The following CMTM4 variants were observed in gnomAD, a reference collection of about 807,000 sequenced individuals.
CMTM4 encodes the protein CKLF like MARVEL transmembrane domain containing 4, also known as CKLF-like MARVEL transmembrane domain-containing protein 4.
A neutral mutation model predicts 19.0 loss-of-function variants in CMTM4; 8 were observed. The observed-to-expected ratio is 0.42, with a 90% confidence interval of 0.25 to 0.76. The LOEUF is 0.76. Ranked by LOEUF, CMTM4 falls within the 30% of genes least tolerant of loss-of-function variation. The pLI is 0.27. For missense variants in CMTM4, 228 were observed against 290.2 expected, an observed-to-expected ratio of 0.79 and a Z score of 1.56; for synonymous variants, 106 against 121.1, an observed-to-expected ratio of 0.88 and a Z score of 0.82.
rs747210466 is a variant in CMTM4, at chr16:66,636,427, G to C, written c.341C>G (p.Pro114Arg). The change falls in exon 2 of 4, where the codon CCC (proline) becomes CGC (arginine). Residue 114 changes from proline to arginine, a missense_variant. Physicochemically the swap from Pro to Arg is moderately radical, Grantham distance 103. Coordinates refer to ENST00000394106, the MANE Select transcript of CMTM4 (RefSeq NM_181521.3). The stretch of plus-strand genomic sequence containing the variant: ...CACTGTCAGATTCCAGTTGATCTGG[G>C]GGATCCTCATGTGCAGGTTGAGACT... Reference protein sequence around the residue: ...MFSLNLHMRIPQINWNLTDLV... With the variant: ...MFSLNLHMRIRQINWNLTDLV... 3 of 1,613,960 alleles carry C rather than the reference G, an allele frequency of 1.9e-6. No individual in the cohort carries two copies. The highest frequency in any genetic ancestry group is 2.5e-6 in the Non-Finnish European group (3 of 1,180,008).
At chr16:66,636,873 T>C (rs2016002932) in intron 1 of CMTM4, among the ~76,000 whole-genome samples, 1 of 152,226 alleles carries the variant, frequency 6.6e-6, no homozygotes. Context: ...TGCTGGCCCT[T>C]GGGAGGAAGC....
At chr16:66,674,677 A>G (rs539867812) in intron 1 of CMTM4, among the ~76,000 whole-genome samples, 3 of 151,238 alleles carry the variant, frequency 2.0e-5, no homozygotes, top group Non-Finnish European at 2.9e-5. Flanking sequence ...GGTGTTGAAT[A>G]CATCATCATC....
intron 1 of CMTM4, among the ~76,000 whole-genome samples, chr16:66,690,039 T>C (rs1374592455): frequency 6.6e-6 from 1 of 152,224 alleles, no homozygotes; most frequent in Non-Finnish European, 1.5e-5. Flanking sequence ...ATTATAACTT[T>C]GCTTTTCTGC....
At chr16:66,639,016 G>C (rs534307894) in intron 1 of CMTM4, among the ~76,000 whole-genome samples, 2 of 151,552 alleles carry the variant, frequency 1.3e-5, no homozygotes, top group South Asian at 4.2e-4. Flanking sequence ...ACATCATGCT[G>C]TACACAGTAA....
At chr16:66,608,371 G>A in the CMTM4 span, 8 of 1,614,132 alleles carry the variant, frequency 5.0e-6, no homozygotes, top group South Asian at 2.2e-5. The surrounding 1 kb of genome is among the most constrained non-coding windows in gnomAD (Gnocchi z 5.1). Flanking sequence ...TCCTCACAGC[G>A]CCTCTGCTGG....
chr16:66,681,584 G>A (rs1047851170), intron 1 of CMTM4, among the ~76,000 whole-genome samples: 4 of 152,116 alleles, frequency 2.6e-5, no homozygotes, highest in South Asian at 2.1e-4. Context: ...GATTACAGAC[G>A]TGAGCCACCG....
Position 66,620,716 on chromosome 16 carries a change from A to G in CMTM4, c.*1342T>C, listed in dbSNP as rs2015615961. On this transcript the variant is annotated 3_prime_UTR_variant, in exon 4 of 4. Coordinates refer to ENST00000394106, the MANE Select transcript of CMTM4 (RefSeq NM_181521.3). Reference sequence around the variant, plus strand: ...CAGTAAGTGCTTTTTGGTGAGGGCTAAACACAAAATGTTAGAGCTAAAGTG... The same window carrying G: ...CAGTAAGTGCTTTTTGGTGAGGGCTGAACACAAAATGTTAGAGCTAAAGTG... 2 of 985,860 alleles carry G rather than the reference A, an allele frequency of 2.0e-6. No individual in the cohort carries two copies. The highest frequency in any genetic ancestry group is 2.4e-6 in the Non-Finnish European group (2 of 829,938). The allele number at this position is 985,860 out of a possible 1,614,324, so 61.1% of individuals were successfully genotyped here. A position where few individuals can be genotyped will look rare whatever the true frequency, so the allele number is the denominator to read the frequency against.
intron 1 of CMTM4, among the ~76,000 whole-genome samples, chr16:66,663,384 C>G (rs1357589033): frequency 6.6e-6 from 1 of 152,012 alleles, no homozygotes; most frequent in East Asian, 1.9e-4. Context: ...TATACCCCTG[C>G]AGTCCCAGCT....
rs748385227 is a variant in CMTM4, at chr16:66,620,090, T to G, written c.*1968A>C. The stretch of plus-strand genomic sequence containing the variant: ...ATGGTGTTCTTGTTTTCAATCTCAC[T>G]TCAAAGATGGCCTTTTTTGGGGGCC... On this transcript the variant is annotated 3_prime_UTR_variant, in exon 4 of 4. Coordinates refer to ENST00000394106, the MANE Select transcript of CMTM4 (RefSeq NM_181521.3). 7 of 985,452 alleles carry G rather than the reference T, an allele frequency of 7.1e-6. No individual in the cohort carries two copies. The highest frequency in any genetic ancestry group is 8.4e-6 in the Non-Finnish European group (7 of 829,932). 61.0% of individuals were successfully genotyped at this position (985,452 alleles called of 1,614,324 possible). A position where few individuals can be genotyped will look rare whatever the true frequency, so the allele number is the denominator to read the frequency against.
chr16:66,642,631 A>G (rs1349610992), intron 1 of CMTM4, among the ~76,000 whole-genome samples: 2 of 152,058 alleles, frequency 1.3e-5, no homozygotes, highest in Admixed American at 1.3e-4. Context: ...CATGAAAATC[A>G]CTTGAACCCT....
At chr16:66,654,544 A>G (rs1451420183) in intron 1 of CMTM4, among the ~76,000 whole-genome samples, 1 of 152,156 alleles carries the variant, frequency 6.6e-6, no homozygotes, top group East Asian at 1.9e-4. Flanking sequence ...CAAACTGGGC[A>G]CCTCTACGTA....
intron 1 of CMTM4, among the ~76,000 whole-genome samples, chr16:66,678,159 C>T (rs1305915664): frequency 6.6e-6 from 1 of 152,108 alleles, no homozygotes; most frequent in Non-Finnish European, 1.5e-5. Context: ...TTGGGCAACA[C>T]AGTGAGGCCT....
At chr16:66,694,030 A>T (rs2017184912) in intron 1 of CMTM4, among the ~76,000 whole-genome samples, 1 of 152,056 alleles carries the variant, frequency 6.6e-6, no homozygotes, top group African/African-American at 2.4e-5. Context: ...TTTAAAAAAG[A>T]AAGAAAAAGA....
chr16:66,681,895 T>C (rs1390059869), intron 1 of CMTM4, among the ~76,000 whole-genome samples: 1 of 152,222 alleles, frequency 6.6e-6, no homozygotes, highest in African/African-American at 2.4e-5. Flanking sequence ...ACCTGGGATA[T>C]TCCTTTGCCA....
At chr16:66,684,430 G>C (rs2016997439) in intron 1 of CMTM4, among the ~76,000 whole-genome samples, 1 of 152,020 alleles carries the variant, frequency 6.6e-6, no homozygotes, top group African/African-American at 2.4e-5. Flanking sequence ...GCCTGCCTCA[G>C]CCTCCCAAAG....
chr16:66,644,579 T>C (rs1231772063), intron 1 of CMTM4, among the ~76,000 whole-genome samples: 1 of 152,272 alleles, frequency 6.6e-6, no homozygotes, highest in Non-Finnish European at 1.5e-5. Context: ...TGTACCTGTC[T>C]TGTGTTTTTG....
At chr16:66,692,767 C>A (rs147931183) in intron 1 of CMTM4, among the ~76,000 whole-genome samples, 2 of 151,890 alleles carry the variant, frequency 1.3e-5, no homozygotes, top group Admixed American at 6.6e-5. Context: ...CTTAGCCGGG[C>A]GTGCTAGTGG....
the CMTM4 span, among the ~76,000 whole-genome samples, chr16:66,607,810 T>G: frequency 9.4e-5 from 14 of 149,020 alleles, no homozygotes; most frequent in Middle Eastern, 3.5e-3. Context: ...GGAGGCAGCA[T>G]AGGTGTGAGC....
downstream of CMTM4, chr16:66,613,319 AGACT>A: frequency 3.4e-6 from 2 of 588,456 alleles, no homozygotes; most frequent in South Asian, 2.0e-5. Context: ...AAGAGCTCAT[AGACT>A]GACTGGTCCA....
Sources: allele counts gnomAD v4.1 joint callset (sites outside exome capture counted in the v4.1 genomes callset), GRCh38; gene constraint gnomAD v4.1.1; non-coding constraint Gnocchi (gnomAD v3.1); transcripts MANE v1.5; gene names NCBI Gene and HGNC (gene_info 2026-07-23, HGNC 2026-07-21).